The following SYT1 variants were observed in gnomAD, a reference collection of about 807,000 sequenced individuals.
SYT1 encodes synaptotagmin-1.
SYT1 carries 8 observed loss-of-function variants against 44.8 expected under a neutral mutation model. The observed-to-expected ratio is 0.18, with a 90% confidence interval of 0.10 to 0.32. SYT1 has a LOEUF of 0.32. Among genes scored for constraint, SYT1 ranks in the 10% least tolerant of loss-of-function variants. SYT1 has a pLI of 1.00. For missense variants in SYT1, 286 were observed against 509.3 expected, an observed-to-expected ratio of 0.56 and a Z score of 4.22; for synonymous variants, 154 against 188.8, an observed-to-expected ratio of 0.82 and a Z score of 1.51.
intron 4 of SYT1, 57 bp from the exon 5 acceptor site, chr12:79,285,730 A>G (rs1879277097): frequency 2.9e-6 from 4 of 1,357,744 alleles, no homozygotes; most frequent in Admixed American, 2.3e-5. Context: ...CCATGAGTTA[A>G]AAGGTTTTCC....
At chr12:78,910,831 CA>C (rs1183347484) in intron 1 of SYT1, among the ~76,000 whole-genome samples, 2 of 151,842 alleles carry the variant, frequency 1.3e-5, no homozygotes, top group Non-Finnish European at 2.9e-5. Context: ...ACCAGAAGGA[CA>C]AACTGGAAAT....
chr12:79,324,391 G>A (rs534410011), intron 8 of SYT1, among the ~76,000 whole-genome samples: 8 of 152,054 alleles, frequency 5.3e-5, no homozygotes, highest in African/African-American at 1.2e-4. Context: ...GTTCTGCCAC[G>A]AGTTATCAGA....
At chr12:79,293,385 T>TAAA (rs1207504460) in intron 6 of SYT1, among the ~76,000 whole-genome samples, 1 of 79,124 alleles carries the variant, frequency 1.3e-5, no homozygotes, top group African/African-American at 4.7e-5. Context: ...TAAAATAAAA[T>TAAA]AAAATAAAAT....
At position 79,100,103 on chromosome 12, in the gene SYT1, TTAAA is replaced by T. The variant is rs753793303; in HGVS notation, c.-18+52745_-18+52748del. Among the ~76,000 whole-genome samples, 56 of 152,276 alleles carry T rather than the reference TTAAA, an allele frequency of 3.7e-4. 1 individual carries two copies. The Middle Eastern group carries it at 0.01, about 28-fold the overall frequency. ...AAGCATATTCAAAAATAGATGTATG[TTAAA>T]TAATAATAACGAACATTTGGAGTGC... On this transcript the variant is annotated intron_variant, in intron 3 of 10. Transcript: ENST00000261205.
At chr12:78,931,310 A>G (rs1592574897) in intron 1 of SYT1, among the ~76,000 whole-genome samples, 1 of 15,256 alleles carries the variant, frequency 6.6e-5, no homozygotes, top group Non-Finnish European at 1.3e-4. Flanking sequence ...AAGGAAGGAG[A>G]GGGAGGGAGG....
chr12:79,037,880 A>G (rs772332375), intron 2 of SYT1, among the ~76,000 whole-genome samples: 2 of 151,812 alleles, frequency 1.3e-5, no homozygotes, highest in Non-Finnish European at 2.9e-5. Context: ...ATAGCTGTAG[A>G]CACAATCAGA....
chr12:79,367,615 T>C (rs1311547717), intron 9 of SYT1, among the ~76,000 whole-genome samples: 1 of 152,104 alleles, frequency 6.6e-6, no homozygotes, highest in Non-Finnish European at 1.5e-5. Flanking sequence ...TTCAGCTTGC[T>C]TTCCTCTCGA....
At chr12:79,134,289 G>C (rs549244376) in intron 3 of SYT1, among the ~76,000 whole-genome samples, 1 of 152,258 alleles carries the variant, frequency 6.6e-6, no homozygotes, top group East Asian at 1.9e-4. Flanking sequence ...AGGCATATTT[G>C]AATTACTATA....
At chr12:78,949,811 C>T (rs947757940) in intron 1 of SYT1, among the ~76,000 whole-genome samples, 1 of 151,872 alleles carries the variant, frequency 6.6e-6, no homozygotes, top group Non-Finnish European at 1.5e-5. Flanking sequence ...CAGTTCCATC[C>T]CATTAGGGTG....
At chr12:79,107,609 G>A (rs922703549) in intron 3 of SYT1, among the ~76,000 whole-genome samples, 2 of 151,812 alleles carry the variant, frequency 1.3e-5, no homozygotes, top group Non-Finnish European at 2.9e-5. Flanking sequence ...CATTATTTTG[G>A]AATAAGAAAA....
At chr12:79,028,455 G>C (rs1872654122) in intron 2 of SYT1, among the ~76,000 whole-genome samples, 1 of 151,338 alleles carries the variant, frequency 6.6e-6, no homozygotes, top group Non-Finnish European at 1.5e-5. Context: ...TTTCTGTAGA[G>C]AAAATTAGAG....
intron 2 of SYT1, among the ~76,000 whole-genome samples, chr12:79,037,098 GC>G (rs957265760): frequency 6.6e-6 from 1 of 151,682 alleles, no homozygotes. Context: ...ACCAACCAAA[GC>G]CCCCCCAGGT....
intron 3 of SYT1, among the ~76,000 whole-genome samples, chr12:79,059,935 T>A (rs901554795): frequency 6.6e-6 from 1 of 152,154 alleles, no homozygotes; most frequent in Non-Finnish European, 1.5e-5. Context: ...AGCTTATATA[T>A]TTTGAGCCAG....
intron 1 of SYT1, among the ~76,000 whole-genome samples, chr12:78,868,122 A>C (rs1007422032): frequency 3.9e-5 from 6 of 152,072 alleles, no homozygotes; most frequent in African/African-American, 1.4e-4. Context: ...TATAGTTCTT[A>C]TGATTTCCAG....
chr12:78,966,696 G>T (rs1478533049), intron 1 of SYT1, among the ~76,000 whole-genome samples: 2 of 152,074 alleles, frequency 1.3e-5, no homozygotes, highest in African/African-American at 2.4e-5. Flanking sequence ...AAAAATTCAG[G>T]CATGTGTGTT....
intron 1 of SYT1, among the ~76,000 whole-genome samples, chr12:78,891,702 G>A (rs1178684025): frequency 1.3e-5 from 2 of 151,888 alleles, no homozygotes; most frequent in Non-Finnish European, 2.9e-5. Context: ...CTTTGTCAGG[G>A]ATGTCTTGAG....
chr12:79,064,025 C>T (rs894924985), intron 3 of SYT1, among the ~76,000 whole-genome samples: 1 of 152,148 alleles, frequency 6.6e-6, no homozygotes, highest in Admixed American at 6.6e-5. Flanking sequence ...TGAGCCCCCT[C>T]CTTATCCCTA....
intron 9 of SYT1, among the ~76,000 whole-genome samples, chr12:79,440,930 C>T (rs1870375382): frequency 6.6e-6 from 1 of 152,106 alleles, no homozygotes; most frequent in Non-Finnish European, 1.5e-5. Context: ...AGGGATATCG[C>T]TAAAGGGACC....
intron 1 of SYT1, among the ~76,000 whole-genome samples, chr12:78,975,082 GT>G (rs1868720707): frequency 6.6e-6 from 1 of 151,362 alleles, no homozygotes; most frequent in South Asian, 2.1e-4. Flanking sequence ...TTGTTCCCAC[GT>G]TGCGCCCACC....
Sources: allele counts gnomAD v4.1 joint callset (sites outside exome capture counted in the v4.1 genomes callset), GRCh38; gene constraint gnomAD v4.1.1; transcripts MANE v1.5; gene names NCBI Gene and HGNC (gene_info 2026-07-23, HGNC 2026-07-21).